NXPH1: variants seen among roughly 807,000 people sequenced by gnomAD.
NXPH1 encodes the protein neurexophilin 1.
A neutral mutation model predicts 23.7 loss-of-function variants in NXPH1; 5 were observed. The observed-to-expected ratio is 0.21, with a 90% CI of 0.11 to 0.44. The LOEUF is 0.44. Among genes scored for constraint, NXPH1 ranks in the 20% least tolerant of loss-of-function variants. The pLI, the probability that NXPH1 is intolerant of heterozygous loss-of-function variation, is 0.99. For missense variants in NXPH1, 324 were observed against 321.6 expected, an observed-to-expected ratio of 1.01 and a Z score of -0.06; for synonymous variants, 144 against 122.2, an observed-to-expected ratio of 1.18 and a Z score of -1.18.
chr7:8,708,515 C>A (rs565736091), intron 2 of NXPH1, among the ~76,000 whole-genome samples: 9 of 152,130 alleles, frequency 5.9e-5, no homozygotes, highest in Non-Finnish European at 1.2e-4. Context: ...CACCTGCCAC[C>A]ATGCCTGGCT....
At chr7:8,555,343 G>A (rs1249508619) in intron 2 of NXPH1, among the ~76,000 whole-genome samples, 1 of 151,664 alleles carries the variant, frequency 6.6e-6, no homozygotes, top group Non-Finnish European at 1.5e-5. Flanking sequence ...TTTGATGGAT[G>A]TGTAAGGAAT....
At chr7:8,692,137 C>T (rs368626162) in intron 2 of NXPH1, among the ~76,000 whole-genome samples, 5 of 151,716 alleles carry the variant, frequency 3.3e-5, no homozygotes, top group African/African-American at 1.2e-4. Context: ...GGAGGGCTTA[C>T]TAGATTCTGT....
intron 2 of NXPH1, among the ~76,000 whole-genome samples, chr7:8,628,265 G>A (rs192112769): frequency 9.2e-5 from 14 of 151,966 alleles, no homozygotes; most frequent in Admixed American, 8.5e-4. Flanking sequence ...ACATGTTACA[G>A]AGTTTGATGT....
At chr7:8,734,907 A>G (rs931620770) in intron 2 of NXPH1, among the ~76,000 whole-genome samples, 4 of 152,160 alleles carry the variant, frequency 2.6e-5, no homozygotes, top group South Asian at 4.1e-4. Flanking sequence ...CTTTATAGCA[A>G]TTGTGAATGG....
chr7:8,471,385 T>G (rs1269232598), intron 2 of NXPH1, among the ~76,000 whole-genome samples: 1 of 152,138 alleles, frequency 6.6e-6, no homozygotes, highest in Admixed American at 6.5e-5. Context: ...AGATATATTC[T>G]TATAAAACTG....
chr7:8,598,265 C>T (rs1375032265), intron 2 of NXPH1, among the ~76,000 whole-genome samples: 1 of 152,120 alleles, frequency 6.6e-6, no homozygotes, highest in Non-Finnish European at 1.5e-5. Context: ...GGTATTAATA[C>T]TGAGGAATTC....
chr7:8,643,846 T>C (rs954090615), intron 2 of NXPH1, among the ~76,000 whole-genome samples: 3 of 152,202 alleles, frequency 2.0e-5, no homozygotes, highest in African/African-American at 7.2e-5. Context: ...TTGCTTAGTG[T>C]ATAAAATTTA....
intron 2 of NXPH1, among the ~76,000 whole-genome samples, chr7:8,741,618 T>A (rs928097082): frequency 6.6e-6 from 1 of 152,156 alleles, no homozygotes; most frequent in African/African-American, 2.4e-5. Flanking sequence ...AGGTGATATA[T>A]CACTGTTGTT....
At position 8,472,603 on chromosome 7, in the gene NXPH1, A is replaced by G. The variant is rs144492354; in HGVS notation, c.54+36836A>G. Among the ~76,000 whole-genome samples, 446 of 152,186 alleles carry G rather than the reference A, an allele frequency of 2.9e-3. 3 individuals carry two copies. Among genetic ancestry groups the G allele is most frequent in the African/African-American group, 0.01 (430 of 41,538 alleles). ...CTTCCTTGGTGGAAGGAAGGGCCCAATTTCCTGGTAGGGAAGAGAGTCTGG... is the reference window on the plus strand; with the variant it reads ...CTTCCTTGGTGGAAGGAAGGGCCCAGTTTCCTGGTAGGGAAGAGAGTCTGG... On this transcript the variant is annotated intron_variant, in intron 2 of 2. Coordinates refer to ENST00000405863, the MANE Select transcript of NXPH1 (RefSeq NM_152745.3).
intron 2 of NXPH1, among the ~76,000 whole-genome samples, chr7:8,668,547 A>G (rs1016515951): frequency 1.3e-5 from 2 of 152,012 alleles, no homozygotes; most frequent in Admixed American, 1.3e-4. Context: ...AGACCTGTTG[A>G]TTGAGTCCAT....
chr7:8,743,810 A>T (rs1030302911), intron 2 of NXPH1, among the ~76,000 whole-genome samples: 1 of 151,504 alleles, frequency 6.6e-6, no homozygotes, highest in Non-Finnish European at 1.5e-5. Flanking sequence ...CAGCCTCCCG[A>T]GTAGCTGGGA....
intron 2 of NXPH1, among the ~76,000 whole-genome samples, chr7:8,610,930 A>G (rs891250806): frequency 2.6e-5 from 4 of 152,058 alleles, no homozygotes; most frequent in Admixed American, 1.3e-4. Flanking sequence ...CTGGGAGGGT[A>G]TCACCAATGG....
At chr7:8,470,311 T>C (rs1312981989) in intron 2 of NXPH1, among the ~76,000 whole-genome samples, 3 of 152,174 alleles carry the variant, frequency 2.0e-5, no homozygotes, top group African/African-American at 4.8e-5. Context: ...GTGATGTTAA[T>C]ACATGTCAAC....
At chr7:8,662,800 T>G (rs898983183) in intron 2 of NXPH1, among the ~76,000 whole-genome samples, 2 of 152,074 alleles carry the variant, frequency 1.3e-5, no homozygotes, top group Admixed American at 1.3e-4. Flanking sequence ...AGCCATAGTT[T>G]GTGATATTTG....
intron 2 of NXPH1, among the ~76,000 whole-genome samples, chr7:8,626,369 T>C (rs1368065672): frequency 2.6e-5 from 4 of 151,918 alleles, no homozygotes; most frequent in Non-Finnish European, 5.9e-5. Context: ...GATATACTCA[T>C]TGTCATGCAG....
At chr7:8,617,354 C>G (rs139300074) in intron 2 of NXPH1, among the ~76,000 whole-genome samples, 1 of 152,038 alleles carries the variant, frequency 6.6e-6, no homozygotes, top group African/African-American at 2.4e-5. Context: ...TATTTGCACT[C>G]CTATGTTTGT....
chr7:8,670,242 T>C lies in NXPH1; in HGVS notation c.55-80766T>C, dbSNP rs994296574. Among the ~76,000 whole-genome samples the C allele has an allele frequency of 4.6e-5, 7 of 152,230 alleles. No individual in the cohort carries two copies. The East Asian group carries it at 9.6e-4, about 21-fold the overall frequency. ...TCCTAAATGTAGATGTCCTTTGAGG[T>C]AGTGTCCTTTGCTTTCTAGTCTAAT... is the stretch of plus-strand genomic sequence containing the variant. On this transcript the variant is annotated intron_variant, in intron 2 of 2. Transcript: ENST00000405863.
At chr7:8,615,551 G>T (rs1450513591) in intron 2 of NXPH1, among the ~76,000 whole-genome samples, 1 of 151,934 alleles carries the variant, frequency 6.6e-6, no homozygotes. Context: ...ATCTGACTCT[G>T]CTTGTCCCAT....
Position 8,434,140 on chromosome 7 carries a change from G to T in NXPH1, c.-726G>T, listed in dbSNP as rs1816146706. On this transcript the variant is annotated 5_prime_UTR_variant, in exon 1 of 3. The change creates a new upstream start codon in the 5' untranslated region. Transcript: ENST00000405863. The surrounding 1 kb of genome is among the most constrained non-coding windows in gnomAD (Gnocchi z 7.6). ...TGGGCTTCCCAGCGTCGCGGGTAGA[G>T]GTACAGCTGCTCCGTGTGCCGCAGG... 1 of 152,684 alleles carries T rather than the reference G, an allele frequency of 6.5e-6. No individual in the cohort carries two copies. Among genetic ancestry groups the T allele is most frequent in the Non-Finnish European group, 1.5e-5 (1 of 68,318 alleles). 9.5% of individuals were successfully genotyped at this position (152,684 alleles called of 1,614,324 possible). A position where few individuals can be genotyped will look rare whatever the true frequency, so the allele number is the denominator to read the frequency against.
Sources: allele counts gnomAD v4.1 joint callset (sites outside exome capture counted in the v4.1 genomes callset), GRCh38; gene constraint gnomAD v4.1.1; non-coding constraint Gnocchi (gnomAD v3.1); transcripts MANE v1.5; gene names NCBI Gene and HGNC (gene_info 2026-07-23, HGNC 2026-07-21).